The following ADGRG4 variants were observed in gnomAD, a reference collection of about 807,000 sequenced individuals.
ADGRG4 encodes the protein G protein-coupled receptor 112.
In ADGRG4, 122 loss-of-function variants were observed where a neutral mutation model predicts 126.2. That is an observed-to-expected ratio of 0.97 (90% CI 0.83 to 1.12). The LOEUF (loss-of-function observed/expected upper bound fraction) is 1.12, where lower values mean the gene tolerates loss of function less well. Ranked by LOEUF, ADGRG4 falls within the 50% of genes most tolerant of loss-of-function variation. ADGRG4 has a pLI of 0.00. For missense variants in ADGRG4, 2,481 were observed against 2,251.8 expected (o/e 1.10, Z -2.06); for synonymous variants, 943 against 838.7 (o/e 1.12, Z -2.15).
In ADGRG4 at chrX:136,356,429, G is replaced by A. The variant is rs184127494; in HGVS notation, c.6927+264G>A. ...TTGTAAATGGTAAGTGAATTTCTTC[G>A]TTATAGATGTCTTGCAAAAAAAACC... On this transcript the variant is annotated intron_variant, in intron 9 of 25. Coordinates refer to ENST00000394143, the MANE Select transcript of ADGRG4 (RefSeq NM_153834.4). Among the ~76,000 whole-genome samples, 27 of 111,400 alleles carry A rather than the reference G, an allele frequency of 2.4e-4. 1 individual carries two copies. Among genetic ancestry groups the A allele is most frequent in the South Asian group, 2.3e-3 (6 of 2,627 alleles).
chrX:136,392,506 C>G, intron 17 of ADGRG4, 152 bp downstream of exon 17: 1 of 464,763 alleles, frequency 2.2e-6, no homozygotes, highest in Admixed American at 3.8e-5. Flanking sequence ...ATAATTGGAA[C>G]CTTCCAGAAA....
chrX:136,358,860 C>T (rs896679577), intron 10 of ADGRG4, among the ~76,000 whole-genome samples: 16 of 112,019 alleles, frequency 1.4e-4, no homozygotes, highest in Non-Finnish European at 3.0e-4. Context: ...TTCTTCAGAA[C>T]ACTTCTTTAT....
At chrX:136,397,076 A>AC (rs1269193212) in intron 19 of ADGRG4, among the ~76,000 whole-genome samples, 1 of 110,674 alleles carries the variant, frequency 9.0e-6, no homozygotes, top group Non-Finnish European at 1.9e-5. Context: ...GGCATGAGCC[A>AC]CCCCGCCCGG....
intron 15 of ADGRG4, among the ~76,000 whole-genome samples, chrX:136,379,591 CCT>C (rs2075247391): frequency 9.3e-6 from 1 of 107,683 alleles, no homozygotes; most frequent in African/African-American, 3.4e-5. Flanking sequence ...CCCTTGCTGT[CCT>C]CTGTTTTCCT....
At chrX:136,412,723 GAT>G (rs1490850522) in intron 24 of ADGRG4, among the ~76,000 whole-genome samples, 1 of 112,346 alleles carries the variant, frequency 8.9e-6, no homozygotes, top group African/African-American at 3.2e-5. Context: ...GGGTTGAGTG[GAT>G]GTAGGAAGCA....
Position 136,345,225 on chromosome X carries a change from T to C in ADGRG4, c.1519T>C (p.Leu507=), listed in dbSNP as rs765600223. 4.1e-6 allele frequency: 5 copies of C among 1,211,012 alleles called. No individual in the cohort carries two copies. Among genetic ancestry groups the C allele is most frequent in the South Asian group, 3.5e-5 (2 of 56,962 alleles). ...GAAAATAGCATTTACAGTCCATTCATTGACTCTCCCAACTAGGCTTATTGA... is the reference window on the plus strand; with the variant it reads ...GAAAATAGCATTTACAGTCCATTCACTGACTCTCCCAACTAGGCTTATTGA... ...DMKIAFTVHS[L]TLPTRLIETT... Residue 507 remains leucine (L), a synonymous_variant, in exon 6 of 26, where the codon TTG becomes CTG. Coordinates refer to ENST00000394143, the MANE Select transcript of ADGRG4 (RefSeq NM_153834.4).
At position 136,323,293 on chromosome X, in the gene ADGRG4, G is replaced by C; in HGVS notation, c.586G>C (p.Glu196Gln). 1 of 1,210,982 alleles carries C rather than the reference G, an allele frequency of 8.3e-7. No individual in the cohort carries two copies. Among genetic ancestry groups the C allele is most frequent in the Non-Finnish European group, 1.1e-6 (1 of 895,140 alleles). The change falls in exon 5 of 26, where the codon GAG (glutamate) becomes CAG (glutamine). Residue 196 changes from glutamate (E) to glutamine (Q), a missense_variant. Physicochemically the swap from Glu to Gln is conservative, Grantham distance 29. Coordinates refer to ENST00000394143, the MANE Select transcript of ADGRG4 (RefSeq NM_153834.4). ...CTGGGACCACATCCTGGAAAACGAA[G>C]AGTTTATGAAGTGTTTAGATGGAAA... is the stretch of plus-strand genomic sequence containing the variant. ...QLWDHILENE[E>Q]FMKCLDGNIV...
chrX:136,347,987 A>G lies in ADGRG4; in HGVS notation c.4281A>G (p.Ser1427=). 1 of 1,211,022 alleles carries G rather than the reference A, an allele frequency of 8.3e-7. No homozygotes were observed. Among genetic ancestry groups the G allele is most frequent in the Non-Finnish European group, 1.1e-6 (1 of 894,782 alleles). ...CAACTTCCAGCTCAACAAGGATATC[A>G]AATCCTATGGACATCAATACAACTT... is the stretch of plus-strand genomic sequence containing the variant. ...DTTTSSSTRI[S]NPMDINTTFS... Residue 1427 remains serine, a synonymous_variant, in exon 6 of 26, where the codon TCA becomes TCG. Coordinates refer to ENST00000394143, the MANE Select transcript of ADGRG4 (RefSeq NM_153834.4).
chrX:136,397,945 G>A lies in ADGRG4; in HGVS notation c.8249G>A (p.Gly2750Glu), dbSNP rs753604537. The A allele has an allele frequency of 7.5e-6, 9 of 1,196,599 alleles. No individual in the cohort carries two copies. The African/African-American group carries it at 1.4e-4, about 19-fold the overall frequency. ...EQILALITYT[G>E]CGISSIFLGV... The stretch of plus-strand genomic sequence containing the variant: ...ATATTAGCGCTTATAACATACACCG[G>A]ATGTGGAATCTCCTCCATTTTTCTG... Residue 2750 changes from glycine (G) to glutamate (E), a missense_variant, in exon 20 of 26, where the codon GGA (glycine) becomes GAA (glutamate). Physicochemically the swap from Gly to Glu is moderately conservative, Grantham distance 98. Coordinates refer to ENST00000394143, the MANE Select transcript of ADGRG4 (RefSeq NM_153834.4).
intron 5 of ADGRG4, among the ~76,000 whole-genome samples, chrX:136,328,604 G>A (rs890407321): frequency 1.5e-4 from 17 of 112,033 alleles, no homozygotes; most frequent in African/African-American, 4.9e-4. Context: ...CTATATCTGC[G>A]GGGTCATTGA....
rs774815325 is a variant in ADGRG4, at chrX:136,323,245, G to A, written c.538G>A (p.Gly180Ser). 2.5e-6 allele frequency: 3 copies of A among 1,211,429 alleles called. No individual in the cohort carries two copies. The South Asian group carries it at 5.3e-5, about 21-fold the overall frequency. The change falls in exon 5 of 26, where the codon GGC becomes AGC. Residue 180 changes from glycine to serine, a missense_variant. Physicochemically the swap from Gly to Ser is moderately conservative, Grantham distance 56 (BLOSUM62 0). Transcript: ENST00000394143. ...EVKSMMRSFP[G>S]SLYYFQLWDH... is the part of the protein sequence containing the mutation. ...TAAAAGCATGATGCGTAGCTTTCCT[G>A]GCAGCTTGTACTACTTTCAACTCTG...
chrX:136,390,039 A>ATTTGTTTG (rs757060684), intron 16 of ADGRG4, among the ~76,000 whole-genome samples: 2 of 111,398 alleles, frequency 1.8e-5, no homozygotes, highest in Non-Finnish European at 3.8e-5. Flanking sequence ...AACCTTAGAA[A>ATTTGTTTG]TTTGTTTGTT....
chrX:136,350,639 A>T (rs1422104732), intron 6 of ADGRG4, among the ~76,000 whole-genome samples: 1 of 111,865 alleles, frequency 8.9e-6, no homozygotes, highest in African/African-American at 3.2e-5. Context: ...TGCCTTATTG[A>T]AATATAATGT....
chrX:136,344,582 A>G lies in ADGRG4; in HGVS notation c.876A>G (p.Pro292=), dbSNP rs781638071. The change falls in exon 6 of 26, where the codon CCA becomes CCG. Residue 292 remains proline, a synonymous_variant. Transcript: ENST00000394143. The part of the protein sequence containing the change: ...TTISYSNTTS[P]PLETMTAQKI... The stretch of plus-strand genomic sequence containing the variant: ...TATCATATTCCAATACAACATCTCC[A>G]CCTCTGGAAACAATGACTGCACAAA... 18 of 1,200,188 alleles carry G rather than the reference A, an allele frequency of 1.5e-5. 1 individual carries two copies. The East Asian group carries it at 5.0e-4, about 34-fold the overall frequency.
In ADGRG4 at chrX:136,350,258, T is replaced by C; in HGVS notation, c.6552T>C (p.Thr2184=). The C allele has an allele frequency of 8.3e-7, 1 of 1,209,126 alleles. No individual in the cohort carries two copies. Among genetic ancestry groups the C allele is most frequent in the Non-Finnish European group, 1.1e-6 (1 of 893,100 alleles). Residue 2184 remains threonine (T), a synonymous_variant, in exon 6 of 26, where the codon ACT becomes ACC. Transcript: ENST00000394143. ...TLDSLLNIMT[T]TSTVPGASFP... is the part of the protein sequence containing the mutation. ...ACTCCCTTCTAAATATAATGACTAC[T>C]ACATCCACTGTTCCTGGAGCCTCAT...
intron 13 of ADGRG4, among the ~76,000 whole-genome samples, chrX:136,366,289 T>A (rs768917117): frequency 8.9e-6 from 1 of 112,506 alleles, no homozygotes; most frequent in African/African-American, 3.2e-5. Context: ...TCTTACAATA[T>A]GCAGCCTTCT....
intron 5 of ADGRG4, among the ~76,000 whole-genome samples, chrX:136,337,198 G>C (rs964453989): frequency 9.0e-6 from 1 of 111,366 alleles, no homozygotes; most frequent in East Asian, 2.8e-4. Flanking sequence ...TGAACTCCTG[G>C]CTTCAAGCAA....
At position 136,347,549 on chromosome X, in the gene ADGRG4, G is replaced by T. The variant is rs202020116; in HGVS notation, c.3843G>T (p.Lys1281Asn). ...TMEVTEMSPS[K>N]NSFISYSRGT... Reference sequence around the variant, plus strand: ...AGGTGACAGAAATGTCCCCATCAAAGAATTCTTTTATTTCATACTCCCGGG... The same window carrying T: ...AGGTGACAGAAATGTCCCCATCAAATAATTCTTTTATTTCATACTCCCGGG... The change falls in exon 6 of 26, where the codon AAG becomes AAT. Residue 1281 changes from lysine to asparagine, a missense_variant. Transcript: ENST00000394143. The T allele has an allele frequency of 1.9e-4, 225 of 1,207,569 alleles. 2 individuals are homozygous for T. In the South Asian group the frequency reaches 3.7e-3, roughly 20 times the overall value.
intron 5 of ADGRG4, among the ~76,000 whole-genome samples, chrX:136,329,439 C>T (rs769956444): frequency 5.4e-5 from 6 of 112,022 alleles, no homozygotes; most frequent in Admixed American, 1.9e-4. Context: ...ATTAAGCCCA[C>T]AGACCCCTGT....
Sources: allele counts gnomAD v4.1 joint callset (sites outside exome capture counted in the v4.1 genomes callset), GRCh38; gene constraint gnomAD v4.1.1; transcripts MANE v1.5; gene names NCBI Gene and HGNC (gene_info 2026-07-23, HGNC 2026-07-21).